The following AKT3 variants were observed in gnomAD, a reference collection of about 807,000 sequenced individuals.
AKT3 encodes the protein RAC-gamma serine/threonine-protein kinase.
A neutral mutation model predicts 65.3 loss-of-function variants in AKT3; 15 were observed. That is an observed-to-expected ratio of 0.23 (90% CI 0.15 to 0.35). The LOEUF is 0.35. Ranked by LOEUF, AKT3 falls within the 10% of genes least tolerant of loss-of-function variation. The pLI, the probability that AKT3 is intolerant of heterozygous loss-of-function variation, is 1.00. For missense variants in AKT3, 243 were observed against 576.5 expected, an observed-to-expected ratio of 0.42 and a Z score of 5.92; for synonymous variants, 206 against 183.8, an observed-to-expected ratio of 1.12 and a Z score of -0.98.
Position 243,818,576 on chromosome 1 carries a change from T to A in AKT3, c.46+24549A>T, listed in dbSNP as rs116685019. On this transcript the variant is annotated intron_variant, in intron 2 of 13. Coordinates refer to ENST00000673466, the MANE Select transcript of AKT3 (RefSeq NM_005465.7). ...AAAAAATGGCTTGGTGTTGAATAAA[T>A]ATAGTATCTCTAACTGGTAAGAAAA... Among the ~76,000 whole-genome samples, 930 of 152,200 alleles carry A rather than the reference T, an allele frequency of 6.1e-3. 4 individuals carry two copies. The highest frequency in any genetic ancestry group is 0.021 in the African/African-American group (890 of 41,514).
chr1:243,652,734 A>T (rs1262615722), intron 4 of AKT3, among the ~76,000 whole-genome samples: 2 of 149,458 alleles, frequency 1.3e-5, no homozygotes, highest in East Asian at 3.9e-4. Context: ...GGCTCAAAAT[A>T]AAGGGAAGAA....
chr1:243,639,005 A>G (rs115431422), intron 5 of AKT3, among the ~76,000 whole-genome samples: 4,253 of 152,252 alleles, frequency 0.028, 79 homozygotes, highest in Non-Finnish European at 0.042. Flanking sequence ...TCAGAAAAAT[A>G]GAGAAGACAC....
chr1:243,710,567 G>C (rs1190426570), intron 2 of AKT3, among the ~76,000 whole-genome samples: 4 of 152,068 alleles, frequency 2.6e-5, no homozygotes, highest in Non-Finnish European at 4.4e-5. Context: ...GCTCTCCCAG[G>C]TACAACAACC....
At chr1:243,573,402 A>C (rs557912615) in intron 8 of AKT3, among the ~76,000 whole-genome samples, 1 of 152,288 alleles carries the variant, frequency 6.6e-6, no homozygotes, top group African/African-American at 2.4e-5. Context: ...AGATATTACT[A>C]AAATAAATGA....
chr1:243,819,468 G>A (rs1023702004), intron 2 of AKT3, among the ~76,000 whole-genome samples: 1 of 152,166 alleles, frequency 6.6e-6, no homozygotes, highest in African/African-American at 2.4e-5. Context: ...ACTCCAGCAG[G>A]GGTTTAGGAA....
chr1:243,495,263 G>C (rs1168724347), downstream of AKT3, among the ~76,000 whole-genome samples: 1 of 152,196 alleles, frequency 6.6e-6, no homozygotes, highest in South Asian at 2.1e-4. Context: ...CCCTCTCCCC[G>C]CCAAGTCCAG....
intron 12 of AKT3, among the ~76,000 whole-genome samples, chr1:243,525,990 G>T (rs1671044540): frequency 6.6e-6 from 1 of 151,314 alleles, no homozygotes; most frequent in Admixed American, 6.6e-5. Flanking sequence ...ACACATTATA[G>T]TCAAAAGGCT....
intron 2 of AKT3, among the ~76,000 whole-genome samples, chr1:243,782,311 A>C (rs1027158831): frequency 3.3e-5 from 5 of 152,200 alleles, no homozygotes; most frequent in Non-Finnish European, 7.3e-5. Flanking sequence ...TAAAGTAGGG[A>C]GCTTATAAAC....
intron 2 of AKT3, among the ~76,000 whole-genome samples, chr1:243,767,720 T>C (rs895682776): frequency 6.6e-6 from 1 of 152,122 alleles, no homozygotes. Flanking sequence ...AGTGGATATA[T>C]AGATAAAATA....
intron 12 of AKT3, among the ~76,000 whole-genome samples, chr1:243,529,854 A>G (rs1401474060): frequency 6.6e-6 from 1 of 152,150 alleles, no homozygotes; most frequent in Non-Finnish European, 1.5e-5. Context: ...GGTAGTTTGA[A>G]TAAGAATAGC....
chr1:243,504,896 A>G lies in AKT3; in HGVS notation c.*353T>C, dbSNP rs944407476. ...TATCTCATTTAGCCTTCACTGAGGG[A>G]AAAACTAAAAGATCAAAAGATGATA... On this transcript the variant is annotated 3_prime_UTR_variant, in exon 14 of 14. Coordinates refer to ENST00000673466, the MANE Select transcript of AKT3 (RefSeq NM_005465.7). 38 of 263,950 alleles carry G rather than the reference A, an allele frequency of 1.4e-4. No individual in the cohort carries two copies. The highest frequency in any genetic ancestry group is 6.9e-4 in the African/African-American group (32 of 46,176). The allele number at this position is 263,950 out of a possible 1,614,324, so 16.4% of individuals were successfully genotyped here. A position where few individuals can be genotyped will look rare whatever the true frequency, so the allele number is the denominator to read the frequency against.
At chr1:243,667,431 C>G (rs770312947) in intron 3 of AKT3, among the ~76,000 whole-genome samples, 68 of 152,112 alleles carry the variant, frequency 4.5e-4, no homozygotes, top group Non-Finnish European at 8.4e-4. Flanking sequence ...TTCAATTGCC[C>G]AAGCTGAAAA....
At chr1:243,647,902 T>C (rs1680963596) in intron 4 of AKT3, among the ~76,000 whole-genome samples, 1 of 152,112 alleles carries the variant, frequency 6.6e-6, no homozygotes, top group African/African-American at 2.4e-5. Context: ...ATTTACTTAA[T>C]CAACTAAGTT....
intron 2 of AKT3, among the ~76,000 whole-genome samples, chr1:243,748,840 G>C (rs1035151253): frequency 6.6e-6 from 1 of 152,070 alleles, no homozygotes; most frequent in Admixed American, 6.5e-5. Context: ...CCCCAATCTT[G>C]AGTACGTGTC....
chr1:243,754,918 C>T (rs961650938), intron 2 of AKT3, among the ~76,000 whole-genome samples: 1 of 152,118 alleles, frequency 6.6e-6, no homozygotes, highest in African/African-American at 2.4e-5. Context: ...GAAGAATGAT[C>T]GGGTTCAAAA....
At chr1:243,781,077 CT>C (rs769577468) in intron 2 of AKT3, among the ~76,000 whole-genome samples, 26 of 151,996 alleles carry the variant, frequency 1.7e-4, no homozygotes, top group Non-Finnish European at 2.6e-4. Context: ...CTCTTGGTAA[CT>C]ACTGTTAATA....
At chr1:243,608,644 G>C (rs1677618072) in intron 8 of AKT3, among the ~76,000 whole-genome samples, 1 of 150,302 alleles carries the variant, frequency 6.7e-6, no homozygotes, top group South Asian at 2.1e-4. Context: ...GTGCTAGTGT[G>C]AATTGTTTAC....
At position 243,500,115 on chromosome 1, in the gene AKT3, T is replaced by TATCTTG. The variant is rs1553387632; in HGVS notation, c.*5128_*5133dup. The TATCTTG allele has an allele frequency of 2.7e-6, 1 of 364,902 alleles. No individual in the cohort carries two copies. Among genetic ancestry groups the TATCTTG allele is most frequent in the African/African-American group, 2.0e-5 (1 of 49,740 alleles). 22.6% of individuals were successfully genotyped at this position (364,902 alleles called of 1,614,324 possible). A position where few individuals can be genotyped will look rare whatever the true frequency, so the allele number is the denominator to read the frequency against. On this transcript the variant is annotated 3_prime_UTR_variant, in exon 14 of 14. Coordinates refer to ENST00000673466, the MANE Select transcript of AKT3 (RefSeq NM_005465.7). ...GACTTGAGTTGTAATGTTTCCTTTT[T>TATCTTG]ATCTTGTAGTGATGAACAAAACACA... is the stretch of plus-strand genomic sequence containing the variant.
intron 12 of AKT3, among the ~76,000 whole-genome samples, chr1:243,534,734 C>T (rs1041759848): frequency 6.6e-6 from 1 of 152,010 alleles, no homozygotes; most frequent in African/African-American, 2.4e-5. Context: ...GACTAAACAA[C>T]ACATTTCTAA....
Sources: gnomAD v4.1 joint callset for allele counts (sites outside exome capture counted in the v4.1 genomes callset) on GRCh38, gnomAD v4.1.1 for gene constraint, MANE v1.5 for transcripts, NCBI Gene and HGNC (gene_info 2026-07-23, HGNC 2026-07-21) for gene names.